The following FAT3 variants were observed in gnomAD, a reference collection of about 807,000 sequenced individuals.
FAT3 encodes FAT atypical cadherin 3.
In FAT3, 95 loss-of-function variants were observed where a neutral mutation model predicts 310.2. The ratio of observed to expected loss-of-function variants is 0.31; its 90% CI spans 0.26 to 0.36. The LOEUF (loss-of-function observed/expected upper bound fraction) is 0.36. FAT3 is among the 10% of genes least tolerant of loss of function. FAT3 has a pLI of 1.00. For missense variants in FAT3, 5,408 were observed against 5,715.6 expected, an observed-to-expected ratio of 0.95 and a Z score of 1.74; for synonymous variants, 2,314 against 2,192.9, an observed-to-expected ratio of 1.06 and a Z score of -1.54.
At chr11:92,664,543 C>T (rs1330995316) in intron 3 of FAT3, among the ~76,000 whole-genome samples, 2 of 152,044 alleles carry the variant, frequency 1.3e-5, no homozygotes, top group Non-Finnish European at 2.9e-5. Flanking sequence ...AATGAGTTAC[C>T]AGAGATAAAA....
chr11:92,633,814 A>T (rs1468525988), intron 3 of FAT3, among the ~76,000 whole-genome samples: 1 of 152,154 alleles, frequency 6.6e-6, no homozygotes, highest in African/African-American at 2.4e-5. Flanking sequence ...GTTAACAGAA[A>T]AAGTAAAATT....
At chr11:92,662,478 T>C (rs1942819482) in intron 3 of FAT3, among the ~76,000 whole-genome samples, 1 of 152,218 alleles carries the variant, frequency 6.6e-6, no homozygotes, top group South Asian at 2.1e-4. Flanking sequence ...GATATTAAAC[T>C]GCTGACAACT....
chr11:92,842,641 G>A (rs901372749), intron 18 of FAT3, among the ~76,000 whole-genome samples: 5 of 152,216 alleles, frequency 3.3e-5, no homozygotes, highest in Non-Finnish European at 5.9e-5. Flanking sequence ...GTAGGCCAAG[G>A]CAGGAGGATT....
chr11:92,457,616 C>T (rs945424470), intron 2 of FAT3, among the ~76,000 whole-genome samples: 5 of 152,154 alleles, frequency 3.3e-5, no homozygotes, highest in African/African-American at 9.7e-5. Flanking sequence ...TATAACCATA[C>T]ATGAAAGTAA....
At chr11:92,481,105 T>C (rs1449304255) in intron 2 of FAT3, among the ~76,000 whole-genome samples, 1 of 152,184 alleles carries the variant, frequency 6.6e-6, no homozygotes, top group Non-Finnish European at 1.5e-5. Context: ...AATATAATCA[T>C]TGTGTTAATT....
chr11:92,229,948 A>G (rs1056130104), intron 1 of FAT3, among the ~76,000 whole-genome samples: 1 of 152,142 alleles, frequency 6.6e-6, no homozygotes, highest in Non-Finnish European at 1.5e-5. Context: ...AGATAGATAT[A>G]TATGAATGTG....
intron 13 of FAT3, among the ~76,000 whole-genome samples, chr11:92,826,993 T>C (rs1441415049): frequency 1.3e-5 from 2 of 152,142 alleles, no homozygotes; most frequent in Admixed American, 6.5e-5. Context: ...AACAGCTCAG[T>C]GTATATGCTG....
rs1008161087 is a variant in FAT3 at position 92,887,106 on chromosome 11, C to A, written c.13044C>A (p.Asp4348Glu). Residue 4348 changes from aspartate (D) to glutamate (E), a missense_variant, in exon 25 of 28, where the codon GAC (aspartate) becomes GAA (glutamate). Physicochemically the swap from Asp to Glu is conservative, Grantham distance 45. Around this residue, in one of 5 missense-constraint regions of FAT3, gnomAD observed 649 missense variants for 666.2 expected, o/e 0.97. Coordinates refer to ENST00000525166, the MANE Select transcript of FAT3 (RefSeq NM_001367949.2). Reference protein sequence around the residue: ...SLSSFQSDSGDDNASIVTVIQ... With the variant: ...SLSSFQSDSGEDNASIVTVIQ... The stretch of plus-strand genomic sequence containing the variant: ...GCTCCTTCCAGTCAGATTCTGGTGA[C>A]GACAATGGTAAGAAGTCATCAGATT... 6.2e-7 allele frequency: 1 copy of A among 1,608,724 alleles called. No individual in the cohort carries two copies. Among genetic ancestry groups the A allele is most frequent in the Admixed American group, 1.7e-5 (1 of 59,290 alleles).
intron 1 of FAT3, among the ~76,000 whole-genome samples, chr11:92,254,213 T>G (rs1225748128): frequency 6.6e-6 from 1 of 152,144 alleles, no homozygotes; most frequent in Non-Finnish European, 1.5e-5. Context: ...TGTCATCTAT[T>G]GAAATTGTAC....
intron 2 of FAT3, among the ~76,000 whole-genome samples, chr11:92,434,912 T>C (rs951047838): frequency 6.6e-6 from 1 of 152,150 alleles, no homozygotes; most frequent in Non-Finnish European, 1.5e-5. Flanking sequence ...ATGCTGAATG[T>C]GTATCAACTC....
At chr11:92,514,672 C>G (rs1953416303) in intron 2 of FAT3, among the ~76,000 whole-genome samples, 2 of 152,112 alleles carry the variant, frequency 1.3e-5, no homozygotes, top group African/African-American at 2.4e-5. Flanking sequence ...CCTATTGAAT[C>G]AGAGACAGAG....
In FAT3 at chr11:92,867,227, G is replaced by T. The variant is rs761277122; in HGVS notation, c.12127+18G>T. On this transcript the variant is annotated intron_variant, in intron 22 of 27. Transcript: ENST00000525166. ...ATCGGGGGGTGAGTGTGGCTACGCA[G>T]TGGGCACTGGCCTGGGGGTTTGAGG... 1 of 1,540,958 alleles carries T rather than the reference G, an allele frequency of 6.5e-7. No homozygotes were observed. The highest frequency in any genetic ancestry group is 2.4e-5 in the East Asian group (1 of 42,280).
In FAT3 at chr11:92,883,172, C is replaced by A. The variant is rs753317155; in HGVS notation, c.12716C>A (p.Pro4239His). The part of the protein sequence containing the change: ...QVPVRPMAYT[P>H]CFQSDSRSNL... ...CCCGTGCGCCCCATGGCCTACACACCCTGCTTCCAGAGTGACTCCAGGAGC... is the reference window on the plus strand; with the variant it reads ...CCCGTGCGCCCCATGGCCTACACACACTGCTTCCAGAGTGACTCCAGGAGC... The change falls in exon 24 of 28, where the codon CCC (proline) becomes CAC (histidine). Residue 4239 changes from proline to histidine, a missense_variant. Coordinates refer to ENST00000525166, the MANE Select transcript of FAT3 (RefSeq NM_001367949.2). This position sits in a 1 kb window ranked among gnomAD's most constrained non-coding sequence, Gnocchi z 4.2. The A allele has an allele frequency of 3.1e-6, 5 of 1,613,516 alleles. No homozygotes were observed. The highest frequency in any genetic ancestry group is 4.2e-6 in the Non-Finnish European group (5 of 1,179,848).
chr11:92,822,497 G>T (rs544097811), intron 13 of FAT3, among the ~76,000 whole-genome samples: 1 of 152,302 alleles, frequency 6.6e-6, no homozygotes, highest in African/African-American at 2.4e-5. Context: ...TCCAGGGCAT[G>T]TTGAGGCTTT....
rs868062627 is a variant in FAT3 at position 92,353,740 on chromosome 11, A to G, written c.1628A>G (p.Tyr543Cys). 1 of 1,613,906 alleles carries G rather than the reference A, an allele frequency of 6.2e-7. No individual in the cohort carries two copies. Reference protein sequence around the residue: ...ELDFESSPEIYRFIVRASDWG... With the variant: ...ELDFESSPEICRFIVRASDWG... ...GATTTTGAATCCTCCCCAGAAATTT[A>G]CAGATTCATTGTTAGAGCCTCTGAC... Residue 543 changes from tyrosine to cysteine, a missense_variant, in exon 2 of 28, where the codon TAC becomes TGC. Physicochemically the swap from Tyr to Cys is radical, Grantham distance 194. This residue lies in a region of FAT3 where 4,588 missense variants were observed against 4,809.8 expected (regional missense o/e 0.95). Transcript: ENST00000525166.
At chr11:92,739,301 G>A (rs1945439949) in intron 4 of FAT3, among the ~76,000 whole-genome samples, 1 of 151,818 alleles carries the variant, frequency 6.6e-6, no homozygotes, top group South Asian at 2.1e-4. Context: ...TTTGTTTTTT[G>A]TAATTTCTGG....
rs77708028 is a variant in FAT3 at position 92,681,880 on chromosome 11, G to A, written c.3608-15504G>A. 9.9e-3 allele frequency among the ~76,000 whole-genome samples: 1,510 copies of A among 152,304 alleles called. 32 individuals are homozygous for A. Among genetic ancestry groups the A allele is most frequent in the African/African-American group, 0.034 (1,423 of 41,552 alleles). ...GGGGGGCCCAAACTCACTGGACAAT[G>A]CAAAGCAAGCTTAGCTTCTTATCTG... On this transcript the variant is annotated intron_variant, in intron 3 of 27. Coordinates refer to ENST00000525166, the MANE Select transcript of FAT3 (RefSeq NM_001367949.2).
intron 2 of FAT3, among the ~76,000 whole-genome samples, chr11:92,470,917 G>GAAA (rs1174263976): frequency 6.6e-6 from 1 of 152,122 alleles, no homozygotes; most frequent in African/African-American, 2.4e-5. Context: ...TAAAAGGAAG[G>GAAA]AAACATACTT....
chr11:92,486,130 G>GTTTTTT (rs71064714), intron 2 of FAT3, among the ~76,000 whole-genome samples: 570 of 37,134 alleles, frequency 0.015, 74 homozygotes, highest in Non-Finnish European at 0.021. Context: ...GGCTGCTGGG[G>GTTTTTT]TTTTTTTTTT....
Sources: gnomAD v4.1 joint callset for allele counts (sites outside exome capture counted in the v4.1 genomes callset) on GRCh38, gnomAD v4.1.1 for gene constraint, gnomAD v4.1.1 regional missense constraint, Gnocchi (gnomAD v3.1) non-coding constraint, MANE v1.5 for transcripts, NCBI Gene and HGNC (gene_info 2026-07-23, HGNC 2026-07-21) for gene names.